Variants in PCDH11X observed in about 807,000 individuals in gnomAD.
PCDH11X encodes protocadherin 11 X-linked.
A neutral mutation model predicts 53.3 loss-of-function variants in PCDH11X; 18 were observed. The ratio of observed to expected loss-of-function variants is 0.34; its 90% CI spans 0.23 to 0.50. The LOEUF (loss-of-function observed/expected upper bound fraction) is 0.50, where lower values mean the gene tolerates loss of function less well. Among genes scored for constraint, PCDH11X ranks in the 20% least tolerant of loss-of-function variants. The probability of loss-of-function intolerance (pLI) is 0.98; values close to 1 mark genes in which losing one functional copy is unlikely to be tolerated. For synonymous variants in PCDH11X, 279 were observed against 393.3 expected (o/e 0.71, Z 3.44); for missense variants, 570 against 1,032.4 (o/e 0.55, Z 6.14).
chrX:92,390,730 CA>C (rs1213621392), intron 9 of PCDH11X, among the ~76,000 whole-genome samples: 9 of 96,455 alleles, frequency 9.3e-5, no homozygotes, highest in African/African-American at 3.4e-4. Flanking sequence ...AGTGAATTGC[CA>C]AAATAGCACA....
chrX:92,214,828 C>T (rs763774915), intron 7 of PCDH11X, among the ~76,000 whole-genome samples: 2 of 111,099 alleles, frequency 1.8e-5, no homozygotes, highest in African/African-American at 3.3e-5. Flanking sequence ...GCAGGTGGAT[C>T]ATTTGCACCC....
At chrX:91,801,194 A>G (rs1227935208) in intron 1 of PCDH11X, among the ~76,000 whole-genome samples, 1 of 102,988 alleles carries the variant, frequency 9.7e-6, no homozygotes, top group Non-Finnish European at 2.0e-5. Flanking sequence ...AAAAAAAAAA[A>G]AAAAGAGTTT....
At chrX:92,086,020 A>C (rs2063944378) in intron 6 of PCDH11X, among the ~76,000 whole-genome samples, 1 of 112,038 alleles carries the variant, frequency 8.9e-6, no homozygotes, top group African/African-American at 3.2e-5. Context: ...TTGCATGTTG[A>C]AATTTGAATA....
At chrX:91,795,019 G>A (rs1208220819) in intron 1 of PCDH11X, among the ~76,000 whole-genome samples, 1 of 108,423 alleles carries the variant, frequency 9.2e-6, no homozygotes, top group African/African-American at 3.3e-5. Context: ...CATCTGCCAT[G>A]ATTGTGAGGC....
intron 10 of PCDH11X, among the ~76,000 whole-genome samples, chrX:92,528,612 G>T (rs1425296078): frequency 7.2e-5 from 8 of 111,835 alleles, no homozygotes; most frequent in Non-Finnish European, 1.5e-4. Context: ...GTCCTAAATT[G>T]TGATGGGAAT....
intron 7 of PCDH11X, among the ~76,000 whole-genome samples, chrX:92,248,334 G>A (rs921158744): frequency 8.9e-6 from 1 of 111,757 alleles, no homozygotes; most frequent in African/African-American, 3.3e-5. Context: ...GTCAGTATCA[G>A]AAAGTTAGTT....
chrX:92,380,301 C>T (rs1009581734), intron 8 of PCDH11X, among the ~76,000 whole-genome samples: 4 of 109,576 alleles, frequency 3.7e-5, no homozygotes, highest in African/African-American at 1.3e-4. Context: ...CTCACTCACA[C>T]ACCCCTCTCC....
At chrX:92,082,528 A>C (rs1320468091) in intron 6 of PCDH11X, among the ~76,000 whole-genome samples, 2 of 110,019 alleles carry the variant, frequency 1.8e-5, no homozygotes, top group Admixed American at 9.8e-5. Context: ...TTTAAATCAT[A>C]CTAATAGGAT....
At chrX:92,335,024 G>T in intron 8 of PCDH11X, among the ~76,000 whole-genome samples, 1 of 109,536 alleles carries the variant, frequency 9.1e-6, no homozygotes. Flanking sequence ...AGGGTCAACT[G>T]TATATTGCCT....
chrX:92,082,914 A>C (rs1297882842), intron 6 of PCDH11X, among the ~76,000 whole-genome samples: 2 of 111,110 alleles, frequency 1.8e-5, no homozygotes, highest in African/African-American at 6.5e-5. Flanking sequence ...CAATTATTGC[A>C]GGATTGATAG....
At chrX:92,580,270 G>A (rs1377038170) in intron 10 of PCDH11X, among the ~76,000 whole-genome samples, 1 of 108,619 alleles carries the variant, frequency 9.2e-6, no homozygotes, top group African/African-American at 3.5e-5. Context: ...CCTTGGCCGA[G>A]TAGGTGTTCT....
intron 7 of PCDH11X, among the ~76,000 whole-genome samples, chrX:92,254,936 G>A (rs1426485353): frequency 2.0e-5 from 2 of 97,761 alleles, no homozygotes; most frequent in South Asian, 5.6e-4. Context: ...TGCTCTTCTC[G>A]AGGAGTATCT....
rs908320541 is a variant in PCDH11X, at chrX:91,810,505, A to G, written c.-177A>G. ...CTGTTGCGAATAAGAAGGATTCCACAGATCACATACCGGAGAGGTTTTGCC... is the reference window on the plus strand; with the variant it reads ...CTGTTGCGAATAAGAAGGATTCCACGGATCACATACCGGAGAGGTTTTGCC... On this transcript the variant is annotated 5_prime_UTR_variant, in exon 3 of 11. Coordinates refer to ENST00000682573, the MANE Select transcript of PCDH11X (RefSeq NM_032968.5). 8.9e-5 allele frequency: 10 copies of G among 112,097 alleles called. No homozygotes were observed. Among genetic ancestry groups the G allele is most frequent in the African/African-American group, 3.2e-4 (10 of 30,886 alleles). The allele number at this position is 112,097 out of a possible 1,213,427, so 9.2% of individuals were successfully genotyped here.
intron 6 of PCDH11X, among the ~76,000 whole-genome samples, chrX:92,064,525 AATAG>A (rs1225403516): frequency 5.7e-5 from 6 of 105,271 alleles, no homozygotes; most frequent in Middle Eastern, 4.8e-3. Flanking sequence ...TAAATAAATA[AATAG>A]TTTTGTCATG....
chrX:92,613,537 TG>T (rs1349488451), intron 10 of PCDH11X, among the ~76,000 whole-genome samples: 1 of 86,457 alleles, frequency 1.2e-5, no homozygotes, highest in Non-Finnish European at 2.1e-5. Context: ...TTTTTGTTGT[TG>T]TTGTTGTTGT....
intron 10 of PCDH11X, among the ~76,000 whole-genome samples, chrX:92,594,241 T>A (rs886234150): frequency 3.7e-5 from 4 of 108,324 alleles, no homozygotes; most frequent in Non-Finnish European, 7.6e-5. Flanking sequence ...TTTAAACATT[T>A]GATATTTGAC....
intron 9 of PCDH11X, among the ~76,000 whole-genome samples, chrX:92,415,180 C>A (rs1351789670): frequency 9.0e-6 from 1 of 111,102 alleles, no homozygotes; most frequent in Admixed American, 9.6e-5. Flanking sequence ...TCATCATTAC[C>A]CATTCACTGC....
At chrX:92,396,154 C>A (rs754148316) in intron 9 of PCDH11X, among the ~76,000 whole-genome samples, 2 of 107,165 alleles carry the variant, frequency 1.9e-5, no homozygotes, top group African/African-American at 6.8e-5. Flanking sequence ...ATTGTGTGTA[C>A]GTGTGTGTAT....
chrX:92,590,516 G>T (rs113720377), intron 10 of PCDH11X, among the ~76,000 whole-genome samples: 2,061 of 109,790 alleles, frequency 0.019, 30 homozygotes, highest in Middle Eastern at 0.086. Context: ...GGGCCTAATT[G>T]CAGTGGAGAA....
Sources: gnomAD v4.1 joint callset for allele counts (sites outside exome capture counted in the v4.1 genomes callset) on GRCh38, gnomAD v4.1.1 for gene constraint, MANE v1.5 for transcripts, NCBI Gene and HGNC (gene_info 2026-07-23, HGNC 2026-07-21) for gene names.